SNW1: variants seen among roughly 807,000 people sequenced by gnomAD.
SNW1 encodes SNW domain-containing protein 1.
A neutral mutation model predicts 75.6 loss-of-function variants in SNW1; 9 were observed. That is an observed-to-expected ratio of 0.12 (90% CI 0.07 to 0.21). The LOEUF (loss-of-function observed/expected upper bound fraction) is 0.21. Among genes scored for constraint, SNW1 ranks in the 10% least tolerant of loss-of-function variants. The pLI is 1.00. For missense variants in SNW1, 409 were observed against 670.9 expected, an observed-to-expected ratio of 0.61 and a Z score of 4.31; for synonymous variants, 200 against 219.1, an observed-to-expected ratio of 0.91 and a Z score of 0.77.
At chr14:77,760,916 C>G in intron 1 of SNW1, 198 bp downstream of exon 1, 1 of 1,270,378 alleles carries the variant, frequency 7.9e-7, no homozygotes, top group Non-Finnish European at 1.1e-6. Context: ...GTGAACTAAA[C>G]CCGGGAAACC....
chr14:77,729,835 G>A (rs2080614930), intron 10 of SNW1, among the ~76,000 whole-genome samples: 2 of 152,134 alleles, frequency 1.3e-5, no homozygotes. Context: ...CTGGAAAACA[G>A]TATGTCAGGT....
chr14:77,720,864 T>G, intron 11 of SNW1, 36 bp from the exon 12 acceptor site: 8 of 1,311,030 alleles, frequency 6.1e-6, no homozygotes, highest in East Asian at 2.3e-5. Context: ...CTGAAAACTC[T>G]TTATAGACAA....
chr14:77,722,927 C>G, intron 11 of SNW1: 1 of 448,008 alleles, frequency 2.2e-6, no homozygotes, highest in Non-Finnish European at 4.1e-6. Context: ...TCACTGCAAG[C>G]TCCACCTCCC....
At chr14:77,737,673 T>C (rs1851731848) in intron 5 of SNW1, among the ~76,000 whole-genome samples, 1 of 152,122 alleles carries the variant, frequency 6.6e-6, no homozygotes, top group Non-Finnish European at 1.5e-5. Context: ...ACTGTTAATT[T>C]CTAAAAACAA....
intron 3 of SNW1, among the ~76,000 whole-genome samples, chr14:77,742,109 G>A (rs2080723928): frequency 6.6e-6 from 1 of 151,768 alleles, no homozygotes; most frequent in Non-Finnish European, 1.5e-5. Flanking sequence ...TCAGCTCATA[G>A]CAACCTCCGC....
At chr14:77,734,506 G>A (rs2080654118) in intron 8 of SNW1, among the ~76,000 whole-genome samples, 1 of 152,208 alleles carries the variant, frequency 6.6e-6, no homozygotes, top group African/African-American at 2.4e-5. Context: ...TTGGGTGGCC[G>A]AGGCCGGCGG....
In SNW1 at chr14:77,739,064, A is replaced by G. The variant is rs763538624; in HGVS notation, c.331-3T>C. ...TCAGTGTATTTGCTATAAATGACCT[A>G]AAATGTTCAAACACAAGCAGGCTTA... is the stretch of plus-strand genomic sequence containing the variant. On this transcript the variant is annotated splice_polypyrimidine_tract_variant and splice_region_variant and intron_variant, in intron 3 of 13. Coordinates refer to ENST00000261531, the MANE Select transcript of SNW1 (RefSeq NM_012245.3). 11 of 1,606,302 alleles carry G rather than the reference A, an allele frequency of 6.8e-6. No individual in the cohort carries two copies. The highest frequency in any genetic ancestry group is 9.4e-6 in the Non-Finnish European group (11 of 1,173,746).
chr14:77,735,032 A>G lies in SNW1; in HGVS notation c.709-20T>C. 1 of 1,560,718 alleles carries G rather than the reference A, an allele frequency of 6.4e-7. No individual in the cohort carries two copies. Among genetic ancestry groups the G allele is most frequent in the South Asian group, 1.1e-5 (1 of 89,198 alleles). ...AGTCATCTGAGAGAAGAGGGAAAGA[A>G]GAGACAAGTTTAGATTTATAGTCTA... On this transcript the variant is annotated intron_variant, in intron 7 of 13. Coordinates refer to ENST00000261531, the MANE Select transcript of SNW1 (RefSeq NM_012245.3).
intron 6 of SNW1, among the ~76,000 whole-genome samples, chr14:77,736,258 C>A (rs1482160465): frequency 6.6e-6 from 1 of 152,104 alleles, no homozygotes; most frequent in African/African-American, 2.4e-5. Context: ...CTTTAAAAAG[C>A]AGCTTTAGGT....
chr14:77,718,353 G>A lies in SNW1; in HGVS notation c.1412+14C>T. The stretch of plus-strand genomic sequence containing the variant: ...CCAGTGTAAACACTGAAATTGAGTT[G>A]TATGGCTTGGCACCTGTTGGTCTTT... On this transcript the variant is annotated intron_variant, in intron 13 of 13. Coordinates refer to ENST00000261531, the MANE Select transcript of SNW1 (RefSeq NM_012245.3). 1 of 1,614,194 alleles carries A rather than the reference G, an allele frequency of 6.2e-7. No individual in the cohort carries two copies. Among genetic ancestry groups the A allele is most frequent in the Non-Finnish European group, 8.5e-7 (1 of 1,180,038 alleles).
rs938260280 is a variant in SNW1 at position 77,738,781 on chromosome 14, A to C, written c.530T>G (p.Ile177Ser). The C allele has an allele frequency of 6.2e-7, 1 of 1,612,128 alleles. No individual in the cohort carries two copies. ...GTCTTCTAGGCATGATTCATACCGG[A>C]TATACTGAGCAGGAGCCAATTTGTC... The part of the protein sequence containing the change: ...AADKLAPAQY[I>S]RYTPSQQGVA... Residue 177 changes from isoleucine to serine, a missense_variant, in exon 5 of 14, where the codon ATC becomes AGC. Physicochemically the swap from Ile to Ser is moderately radical, Grantham distance 142. This residue lies in a region of SNW1 where 70 missense variants were observed against 136.7 expected (regional missense o/e 0.51). Transcript: ENST00000261531.
At chr14:77,739,167 A>G in intron 3 of SNW1, 106 bp from the exon 4 acceptor site, 1 of 765,814 alleles carries the variant, frequency 1.3e-6, no homozygotes, top group Non-Finnish European at 2.2e-6. Context: ...TTAAAAATTT[A>G]GGACACTCAG....
chr14:77,719,154 G>A (rs1188386982), intron 12 of SNW1, among the ~76,000 whole-genome samples: 1 of 152,120 alleles, frequency 6.6e-6, no homozygotes, highest in Non-Finnish European at 1.5e-5. Context: ...GCCTGCCTAG[G>A]TCTCACAAAG....
intron 11 of SNW1, chr14:77,722,538 A>C (rs1454901399): frequency 2.2e-6 from 1 of 451,064 alleles, no homozygotes; most frequent in Admixed American, 2.5e-5. Flanking sequence ...TCACCATTTG[A>C]GGTAGAAAAA....
intron 11 of SNW1, among the ~76,000 whole-genome samples, chr14:77,722,669 A>C (rs2080551267): frequency 6.6e-6 from 1 of 152,146 alleles, no homozygotes; most frequent in African/African-American, 2.4e-5. Context: ...TTAATTCCAA[A>C]GACAGTCAAC....
chr14:77,734,830 T>A (rs1431942961), intron 8 of SNW1, 117 bp downstream of exon 8: 1 of 698,478 alleles, frequency 1.4e-6, no homozygotes, highest in Non-Finnish European at 2.5e-6. Flanking sequence ...CATTCCTTTT[T>A]GAAAATGCTC....
At chr14:77,742,567 C>G (rs1442510846) in intron 3 of SNW1, among the ~76,000 whole-genome samples, 1 of 152,124 alleles carries the variant, frequency 6.6e-6, no homozygotes, top group Non-Finnish European at 1.5e-5. Context: ...CCTGTCAAAA[C>G]ATTCACTATG....
At chr14:77,751,908 T>C (rs2080812751) in intron 2 of SNW1, among the ~76,000 whole-genome samples, 1 of 151,680 alleles carries the variant, frequency 6.6e-6, no homozygotes, top group African/African-American at 2.4e-5. Flanking sequence ...AAGGCCCTGC[T>C]GCAAGAATGA....
Position 77,720,954 on chromosome 14 carries a change from A to T in SNW1, c.1131-126T>A, listed in dbSNP as rs923899037. On this transcript the variant is annotated intron_variant, in intron 11 of 13. Coordinates refer to ENST00000261531, the MANE Select transcript of SNW1 (RefSeq NM_012245.3). ...TGTCACATTCACATCTTGTGAACAT[A>T]TATTCCTTGATGATACATAATCAAG... The T allele has an allele frequency of 1.2e-5, 8 of 686,212 alleles. No individual in the cohort carries two copies. The African/African-American group carries it at 1.4e-4, about 12-fold the overall frequency. The allele number at this position is 686,212 out of a possible 1,614,324, so 42.5% of individuals were successfully genotyped here. A position where few individuals can be genotyped will look rare whatever the true frequency, so the allele number is the denominator to read the frequency against.
Sources: gnomAD v4.1 joint callset for allele counts (sites outside exome capture counted in the v4.1 genomes callset) on GRCh38, gnomAD v4.1.1 for gene constraint, gnomAD v4.1.1 regional missense constraint, MANE v1.5 for transcripts, NCBI Gene and HGNC (gene_info 2026-07-23, HGNC 2026-07-21) for gene names.